RASAL2: variants seen among roughly 807,000 people sequenced by gnomAD.
The protein encoded by RASAL2 is ras GTPase-activating protein nGAP.
RASAL2 carries 58 observed loss-of-function variants against 128.9 expected under a neutral mutation model. The observed-to-expected ratio is 0.45, with a 90% CI of 0.36 to 0.56. The LOEUF is 0.56. Among genes scored for constraint, RASAL2 ranks in the 20% least tolerant of loss-of-function variants. RASAL2 has a pLI of 0.00. For synonymous variants in RASAL2, 561 were observed against 580.8 expected (o/e 0.97, Z 0.49); for missense variants, 1,360 against 1,601.6 (o/e 0.85, Z 2.57).
At chr1:178,414,888 T>G (rs970295991) in intron 4 of RASAL2, among the ~76,000 whole-genome samples, 13 of 152,170 alleles carry the variant, frequency 8.5e-5, no homozygotes, top group Non-Finnish European at 1.3e-4. Flanking sequence ...AAATCCCTTT[T>G]TACCATTTTA....
At chr1:178,110,067 A>C (rs1194319650) in intron 1 of RASAL2, among the ~76,000 whole-genome samples, 1 of 152,176 alleles carries the variant, frequency 6.6e-6, no homozygotes, top group Admixed American at 6.5e-5. Context: ...TGCAACAACA[A>C]ACTACACATC....
chr1:178,303,808 T>C (rs1257221606), intron 3 of RASAL2, among the ~76,000 whole-genome samples: 2 of 152,138 alleles, frequency 1.3e-5, no homozygotes, highest in African/African-American at 4.8e-5. Context: ...TGAACAGATA[T>C]TTTAACGAAG....
intron 1 of RASAL2, among the ~76,000 whole-genome samples, chr1:178,126,683 G>T (rs1350988290): frequency 6.6e-6 from 1 of 152,206 alleles, no homozygotes; most frequent in African/African-American, 2.4e-5. Flanking sequence ...GCCTTTTTCA[G>T]ATTTCTACTT....
intron 4 of RASAL2, among the ~76,000 whole-genome samples, chr1:178,417,688 G>A (rs576819400): frequency 6.6e-6 from 1 of 151,112 alleles, no homozygotes; most frequent in South Asian, 2.1e-4. Flanking sequence ...GAACCTGGGA[G>A]GCGGAGGTTG....
At chr1:178,269,851 C>T (rs575715811) in intron 1 of RASAL2, among the ~76,000 whole-genome samples, 8 of 152,276 alleles carry the variant, frequency 5.3e-5, no homozygotes, top group African/African-American at 7.2e-5. Flanking sequence ...TTTTGCACTG[C>T]GGACTCGCCC....
chr1:178,112,165 C>T (rs1432613277), intron 1 of RASAL2, among the ~76,000 whole-genome samples: 6 of 152,066 alleles, frequency 3.9e-5, no homozygotes, highest in Non-Finnish European at 8.8e-5. Context: ...TCTCTTAAAC[C>T]TTTCAAAGAA....
intron 3 of RASAL2, among the ~76,000 whole-genome samples, chr1:178,328,418 A>G (rs1359695559): frequency 6.6e-6 from 1 of 152,150 alleles, no homozygotes; most frequent in African/African-American, 2.4e-5. Flanking sequence ...GAATATTCCA[A>G]TCGTTATTCT....
At chr1:178,227,719 A>G (rs1223207548) in intron 1 of RASAL2, among the ~76,000 whole-genome samples, 1 of 152,272 alleles carries the variant, frequency 6.6e-6, no homozygotes, top group Non-Finnish European at 1.5e-5. Context: ...TCATTTTGAC[A>G]TAGCAACCAG....
chr1:178,232,645 G>A (rs542373702), intron 1 of RASAL2, among the ~76,000 whole-genome samples: 1 of 152,088 alleles, frequency 6.6e-6, no homozygotes, highest in East Asian at 1.9e-4. Context: ...TCCTCTTACA[G>A]TACCAGTTTG....
chr1:178,385,363 G>A (rs1358792048), intron 3 of RASAL2, among the ~76,000 whole-genome samples: 6 of 152,052 alleles, frequency 3.9e-5, no homozygotes, highest in Non-Finnish European at 4.4e-5. Context: ...CTTGAACCCC[G>A]GAGGTGGAGT....
intron 1 of RASAL2, among the ~76,000 whole-genome samples, chr1:178,274,257 A>C (rs1014688584): frequency 2.6e-5 from 4 of 152,172 alleles, no homozygotes; most frequent in Non-Finnish European, 4.4e-5. Flanking sequence ...TAGTGAAATT[A>C]GTGTCTGAGT....
chr1:178,107,263 A>T (rs1659124792), intron 1 of RASAL2, among the ~76,000 whole-genome samples: 1 of 152,142 alleles, frequency 6.6e-6, no homozygotes, highest in Admixed American at 6.6e-5. Context: ...CTGTTTTAAC[A>T]TATTTGTGTT....
intron 1 of RASAL2, among the ~76,000 whole-genome samples, chr1:178,213,916 A>G (rs1663338629): frequency 6.6e-6 from 1 of 151,922 alleles, no homozygotes; most frequent in African/African-American, 2.4e-5. Context: ...TCCAAACACA[A>G]ACCCTGAAAA....
intron 2 of RASAL2, among the ~76,000 whole-genome samples, chr1:178,289,642 A>G (rs1188597013): frequency 2.0e-5 from 3 of 151,904 alleles, no homozygotes. Flanking sequence ...TCATATATCC[A>G]TCTGTGCATT....
At chr1:178,250,114 T>A (rs1413232213) in intron 1 of RASAL2, among the ~76,000 whole-genome samples, 1 of 152,156 alleles carries the variant, frequency 6.6e-6, no homozygotes, top group Non-Finnish European at 1.5e-5. Context: ...TTTGTCAGGA[T>A]CCCCTTGCTC....
intron 17 of RASAL2, 66 bp downstream of exon 17, chr1:178,467,487 C>T (rs1168167316): frequency 1.4e-6 from 2 of 1,422,498 alleles, no homozygotes. Context: ...TGACTTCACA[C>T]CCTTGCAAAT....
chr1:178,467,553 A>G (rs991811647), intron 17 of RASAL2, 132 bp downstream of exon 17: 8 of 690,616 alleles, frequency 1.2e-5, no homozygotes, highest in Admixed American at 2.4e-5. Context: ...CTACATTTTG[A>G]AGATTAAATG....
chr1:178,239,210 T>C (rs1391319607), intron 1 of RASAL2, among the ~76,000 whole-genome samples: 1 of 152,108 alleles, frequency 6.6e-6, no homozygotes, highest in African/African-American at 2.4e-5. Flanking sequence ...TCATATAATT[T>C]AGCATAGTAT....
intron 3 of RASAL2, among the ~76,000 whole-genome samples, chr1:178,318,410 A>G (rs941359726): frequency 1.3e-5 from 2 of 151,834 alleles, no homozygotes; most frequent in African/African-American, 2.4e-5. Flanking sequence ...GTCTCCCATT[A>G]TTAATGTGTG....
Sources: allele counts gnomAD v4.1 joint callset (sites outside exome capture counted in the v4.1 genomes callset), GRCh38; gene constraint gnomAD v4.1.1; transcripts MANE v1.5; gene names NCBI Gene and HGNC (gene_info 2026-07-23, HGNC 2026-07-21).